NOL6: variants seen among roughly 807,000 people sequenced by gnomAD.
NOL6 encodes the protein nucleolar RNA-associated protein.
In NOL6, 33 loss-of-function variants were observed where a neutral mutation model predicts 131.7. That is an observed-to-expected ratio of 0.25 (90% CI 0.19 to 0.33). The LOEUF (loss-of-function observed/expected upper bound fraction) is 0.33, where lower values mean the gene tolerates loss of function less well. NOL6 is among the 10% of genes least tolerant of loss of function. NOL6 has a pLI of 1.00. For missense variants in NOL6, 1,297 were observed against 1,494.5 expected (o/e 0.87, Z 2.18); for synonymous variants, 580 against 605.7 (o/e 0.96, Z 0.62).
chr9:33,472,535 G>A, intron 1 of NOL6, 123 bp from the exon 2 acceptor site: 3 of 749,766 alleles, frequency 4.0e-6, no homozygotes, highest in South Asian at 3.4e-5. Context: ...TTGAGTAGGA[G>A]TCAGATTTTG....
chr9:33,464,810 G>A (rs1031011469), intron 21 of NOL6, 69 bp downstream of exon 21: 17 of 1,176,188 alleles, frequency 1.4e-5, no homozygotes, highest in Non-Finnish European at 2.0e-5. Flanking sequence ...AACACTGCCA[G>A]GGAAACCCTT....
Position 33,467,501 on chromosome 9 carries a change from C to G in NOL6, c.1618G>C (p.Asp540His), listed in dbSNP as rs1162338574. ...CCAGAGTCTTTGTGCTTTGGTGGAT[C>G]TTGGCTGATGTCCCACTGCAGGATT... is the stretch of plus-strand genomic sequence containing the variant. ...PPVPEWDISQ[D>H]PPKHKDSGTL... Residue 540 changes from aspartate (D) to histidine (H), a missense_variant, in exon 13 of 26, where the codon GAT becomes CAT. Asp to His is a moderately conservative substitution (Grantham distance 81). Coordinates refer to ENST00000297990, the MANE Select transcript of NOL6 (RefSeq NM_022917.5). This position sits in a 1 kb window ranked among gnomAD's most constrained non-coding sequence, Gnocchi z 4.4. 6.2e-7 allele frequency: 1 copy of G among 1,614,186 alleles called. No individual in the cohort carries two copies. Among genetic ancestry groups the G allele is most frequent in the Admixed American group, 1.7e-5 (1 of 60,022 alleles).
At chr9:33,463,959 G>C in intron 22 of NOL6, 39 bp from the exon 23 acceptor site, 1 of 1,614,056 alleles carries the variant, frequency 6.2e-7, no homozygotes, top group South Asian at 1.1e-5. Context: ...ACTGAAGTGG[G>C]TCTCTCCCAG....
At position 33,468,908 on chromosome 9, in the gene NOL6, G is replaced by A. The variant is rs762327730; in HGVS notation, c.1027-36C>T. Reference sequence around the variant, plus strand: ...CAGGGAGAGGCTGAGGTCAGAGCCTGCCCATCACACAGGCGCTCAGGTAGG... The same window carrying A: ...CAGGGAGAGGCTGAGGTCAGAGCCTACCCATCACACAGGCGCTCAGGTAGG... On this transcript the variant is annotated intron_variant, in intron 7 of 25. Coordinates refer to ENST00000297990, the MANE Select transcript of NOL6 (RefSeq NM_022917.5). The A allele has an allele frequency of 5.0e-6, 8 of 1,613,900 alleles. No homozygotes were observed. In the South Asian group the frequency reaches 7.7e-5, roughly 16 times the overall value.
chr9:33,468,092 G>A lies in NOL6; in HGVS notation c.1362C>T (p.Asp454=), dbSNP rs746387232. 20 of 1,614,116 alleles carry A rather than the reference G, an allele frequency of 1.2e-5. No homozygotes were observed. The highest frequency in any genetic ancestry group is 1.6e-4 in the Middle Eastern group (1 of 6,062). ...GAGTCATCAACAGCAGGTGGAACCC[G>A]TCGTCAGCTCTGCTGTCCAGCAACA... is the stretch of plus-strand genomic sequence containing the variant. The part of the protein sequence containing the change: ...SMMLLDSRAD[D]GFHLLLMTPK... The change falls in exon 11 of 26, where the codon GAC becomes GAT. Residue 454 remains aspartate, a synonymous_variant. Coordinates refer to ENST00000297990, the MANE Select transcript of NOL6 (RefSeq NM_022917.5).
Position 33,466,186 on chromosome 9 carries a change from T to C in NOL6, c.2249A>G (p.Asp750Gly). The change falls in exon 18 of 26, where the codon GAC (aspartate) becomes GGC (glycine). Residue 750 changes from aspartate to glycine, a missense_variant. Physicochemically the swap from Asp to Gly is moderately conservative, Grantham distance 94 (BLOSUM62 -1). Transcript: ENST00000297990. ...HLEGSGQWPQ[D>G]AEAVQRVRAA... ...TCGGACCCGCTGCACGGCCTCAGCG[T>C]CCTGTGGCCACTGGCCACTGCCCTC... 1.2e-6 allele frequency: 2 copies of C among 1,612,840 alleles called. No homozygotes were observed. The highest frequency in any genetic ancestry group is 1.7e-6 in the Non-Finnish European group (2 of 1,179,486).
At position 33,467,073 on chromosome 9, in the gene NOL6, C is replaced by A; in HGVS notation, c.1874+41G>T. ...GGGCCAGACCCCTGAAAAGGCTCCCCAGCCCACACTGCCTTCTGGAATCCA... is the reference window on the plus strand; with the variant it reads ...GGGCCAGACCCCTGAAAAGGCTCCCAAGCCCACACTGCCTTCTGGAATCCA... On this transcript the variant is annotated intron_variant, in intron 14 of 25. Transcript: ENST00000297990. This position sits in a 1 kb window ranked among gnomAD's most constrained non-coding sequence, Gnocchi z 4.4. The A allele has an allele frequency of 6.2e-7, 1 of 1,613,370 alleles. No homozygotes were observed. Among genetic ancestry groups the A allele is most frequent in the Non-Finnish European group, 8.5e-7 (1 of 1,179,358 alleles).
rs766726898 is a variant in NOL6 at position 33,467,718 on chromosome 9, C to T, written c.1575G>A (p.Leu525=). The T allele has an allele frequency of 4.4e-6, 7 of 1,578,050 alleles. No homozygotes were observed. In the East Asian group the frequency reaches 1.3e-4, roughly 30 times the overall value. Residue 525 remains leucine, a synonymous_variant, in exon 12 of 26, where the codon CTG becomes CTA. Transcript: ENST00000297990. The surrounding 1 kb of genome is among the most constrained non-coding windows in gnomAD (Gnocchi z 4.4). The part of the protein sequence containing the change: ...EQGLGARLNL[L]AHSRPPVPEW... ...CTGGGACTGGGGGTCGAGAGTGAGC[C>T]AGCAGGTTCAGCCGAGCCCCCAGGC... is the stretch of plus-strand genomic sequence containing the variant.
In NOL6 at chr9:33,466,441, G is replaced by A; in HGVS notation, c.2092-16C>T. 6.2e-7 allele frequency: 1 copy of A among 1,613,914 alleles called. No individual in the cohort carries two copies. The highest frequency in any genetic ancestry group is 8.5e-7 in the Non-Finnish European group (1 of 1,179,744). On this transcript the variant is annotated splice_polypyrimidine_tract_variant and intron_variant, in intron 16 of 25. Transcript: ENST00000297990. ...GTGGGAACACCTGTGGAAGAAGAGG[G>A]GCTGAGGAATGGGCCTAGGACTGGG...
In NOL6 at chr9:33,465,500, C is replaced by T. The variant is rs1033391970; in HGVS notation, c.2529-141G>A. The T allele has an allele frequency of 4.0e-5, 46 of 1,156,348 alleles. 1 individual carries two copies. The South Asian group carries it at 7.1e-4, about 18-fold the overall frequency. 71.6% of individuals were successfully genotyped at this position (1,156,348 alleles called of 1,614,324 possible). A position where few individuals can be genotyped will look rare whatever the true frequency, so the allele number is the denominator to read the frequency against. On this transcript the variant is annotated intron_variant, in intron 19 of 25. Transcript: ENST00000297990. ...CTTAAGAAATGCACCAAGAAGTTGA[C>T]CCTAGTGTTATTTCCATTTTACAGA...
At position 33,467,205 on chromosome 9, in the gene NOL6, C is replaced by T. The variant is rs558572103; in HGVS notation, c.1783G>A (p.Gly595Arg). Residue 595 changes from glycine (G) to arginine (R), a missense_variant, in exon 14 of 26, where the codon GGA (glycine) becomes AGA (arginine). Gly to Arg is a moderately radical substitution (Grantham distance 125, BLOSUM62 -2). Coordinates refer to ENST00000297990, the MANE Select transcript of NOL6 (RefSeq NM_022917.5). This position sits in a 1 kb window ranked among gnomAD's most constrained non-coding sequence, Gnocchi z 4.4. ...SRSELRRFQD[G>R]AIREAVVWEA... ...CAGACCACAGCTTCCCGAATGGCTC[C>T]GTCCTGGAAACGCCGAAGCTCCGAG... is the stretch of plus-strand genomic sequence containing the variant. 1.1e-5 allele frequency: 17 copies of T among 1,614,180 alleles called. No individual in the cohort carries two copies. The highest frequency in any genetic ancestry group is 8.8e-5 in the South Asian group (8 of 91,086).
rs1354783638 is a variant in NOL6 at position 33,472,618 on chromosome 9, T to G, written c.55-206A>C. On this transcript the variant is annotated intron_variant, in intron 1 of 25. Transcript: ENST00000297990. ...GCCGAAAATTCCTTGAGTTAAGAGC[T>G]CTCCTGTCTACCTGACACCACAAGC... 4 of 593,852 alleles carry G rather than the reference T, an allele frequency of 6.7e-6. No homozygotes were observed. In the Admixed American group the frequency reaches 8.7e-5, roughly 13 times the overall value. The allele number at this position is 593,852 out of a possible 1,614,324, so 36.8% of individuals were successfully genotyped here.
At position 33,462,058 on chromosome 9, in the gene NOL6, C is replaced by T. The variant is rs1262279110; in HGVS notation, c.*606G>A. Reference sequence around the variant, plus strand: ...CACCTACCCAATCCTTTCCTGTCCTCGGTTCTTTTCCACTGTCTCCACCCT... The same window carrying T: ...CACCTACCCAATCCTTTCCTGTCCTTGGTTCTTTTCCACTGTCTCCACCCT... On this transcript the variant is annotated 3_prime_UTR_variant, in exon 26 of 26. Transcript: ENST00000297990. The T allele has an allele frequency of 2.4e-5, 17 of 700,912 alleles. No homozygotes were observed. Among genetic ancestry groups the T allele is most frequent in the South Asian group, 4.6e-5 (3 of 65,910 alleles). 43.4% of individuals were successfully genotyped at this position (700,912 alleles called of 1,614,324 possible).
rs1188981686 is a variant in NOL6, at chr9:33,473,786, C to T, written c.54+3G>A. ...TCTGTTCCTCCCCGATGGCTCAACC[C>T]ACCTCTGGCTCTCCAGTCGCTCCGC... On this transcript the variant is annotated splice_donor_region_variant and intron_variant, in intron 1 of 25. Transcript: ENST00000297990. 6.2e-7 allele frequency: 1 copy of T among 1,612,014 alleles called. No individual in the cohort carries two copies. Among genetic ancestry groups the T allele is most frequent in the South Asian group, 1.1e-5 (1 of 91,088 alleles).
At chr9:33,470,485 G>A in intron 3 of NOL6, 1 of 185,308 alleles carries the variant, frequency 5.4e-6, no homozygotes, top group Non-Finnish European at 1.1e-5. Context: ...GAGGTCAGAA[G>A]ATCGAGACCA....
At chr9:33,465,155 A>T (rs1827203981) in intron 20 of NOL6, 52 bp downstream of exon 20, 3 of 1,555,666 alleles carry the variant, frequency 1.9e-6, no homozygotes. Flanking sequence ...ACGAAGGATG[A>T]TGGCTGGCCG....
In NOL6 at chr9:33,462,419, C is replaced by A; in HGVS notation, c.*245G>T. ...GGGTTCAGTTCCTTCTCTGAGCTGG[C>A]TCCCACTCCTCTTCTGGGATGGTGA... On this transcript the variant is annotated 3_prime_UTR_variant, in exon 26 of 26. Coordinates refer to ENST00000297990, the MANE Select transcript of NOL6 (RefSeq NM_022917.5). 3.3e-6 allele frequency: 2 copies of A among 613,624 alleles called. No individual in the cohort carries two copies. Among genetic ancestry groups the A allele is most frequent in the South Asian group, 3.8e-5 (2 of 52,078 alleles). The allele number at this position is 613,624 out of a possible 1,614,324, so 38.0% of individuals were successfully genotyped here.
At position 33,468,848 on chromosome 9, in the gene NOL6, G is replaced by A. The variant is rs779014069; in HGVS notation, c.1051C>T (p.Leu351Phe). 7 of 1,614,138 alleles carry A rather than the reference G, an allele frequency of 4.3e-6. No homozygotes were observed. The highest frequency in any genetic ancestry group is 1.1e-5 in the South Asian group (1 of 91,080). ...DKGQGGFTGFLVSMLVVFLVS... is the reference protein window; with the variant it reads ...DKGQGGFTGFFVSMLVVFLVS... ...AGGAAGACAACCAGCATGGAGACAAGGAACCCAGTAAACCCACCCTGGCCC... is the reference window on the plus strand; with the variant it reads ...AGGAAGACAACCAGCATGGAGACAAAGAACCCAGTAAACCCACCCTGGCCC... The change falls in exon 8 of 26, where the codon CTT (leucine) becomes TTT (phenylalanine). Residue 351 changes from leucine to phenylalanine, a missense_variant. Leu to Phe is a conservative substitution (Grantham distance 22). Transcript: ENST00000297990.
intron 20 of NOL6, 37 bp from the exon 21 acceptor site, chr9:33,465,013 G>T: frequency 1.3e-6 from 2 of 1,550,504 alleles, no homozygotes; most frequent in Non-Finnish European, 1.8e-6. Context: ...CCAGGGCCCA[G>T]CCACATATCC....
Sources: gnomAD v4.1 joint callset for allele counts on GRCh38, gnomAD v4.1.1 for gene constraint, Gnocchi (gnomAD v3.1) non-coding constraint, MANE v1.5 for transcripts, NCBI Gene and HGNC (gene_info 2026-07-23, HGNC 2026-07-21) for gene names.